The following FAM20B variants were observed in gnomAD, a reference collection of about 807,000 sequenced individuals.
FAM20B encodes glycosaminoglycan xylosylkinase.
Under a neutral mutation model 43.8 loss-of-function variants are expected in FAM20B, and 23 were observed. The observed-to-expected ratio is 0.53, with a 90% CI of 0.38 to 0.74. The LOEUF is 0.74. FAM20B is among the 30% of genes least tolerant of loss of function. FAM20B has a pLI of 0.00. For missense variants in FAM20B, 440 were observed against 510.5 expected, an observed-to-expected ratio of 0.86 and a Z score of 1.33; for synonymous variants, 178 against 192.4, an observed-to-expected ratio of 0.93 and a Z score of 0.62.
chr1:179,053,678 C>T (rs967873443), intron 3 of FAM20B, among the ~76,000 whole-genome samples: 4 of 152,012 alleles, frequency 2.6e-5, no homozygotes, highest in Non-Finnish European at 4.4e-5. Flanking sequence ...AATCAGCAGC[C>T]CTAAACAATA....
chr1:179,063,145 C>T (rs1350885399), intron 4 of FAM20B, among the ~76,000 whole-genome samples: 1 of 152,102 alleles, frequency 6.6e-6, no homozygotes, highest in Non-Finnish European at 1.5e-5. Context: ...AGCATGGTGG[C>T]ATGCGCCTGT....
chr1:179,027,890 T>G (rs1299661948), intron 1 of FAM20B, among the ~76,000 whole-genome samples: 1 of 152,216 alleles, frequency 6.6e-6, no homozygotes, highest in East Asian at 1.9e-4. Flanking sequence ...TCTATCATCT[T>G]TATTTTTATA....
At chr1:179,041,638 G>A (rs560017617) in intron 1 of FAM20B, among the ~76,000 whole-genome samples, 3 of 136,608 alleles carry the variant, frequency 2.2e-5, no homozygotes, top group East Asian at 2.0e-4. Context: ...GAGGGAGACC[G>A]TGGGGAGACG....
chr1:179,020,138 T>C, the FAM20B span, among the ~76,000 whole-genome samples: 1 of 142,676 alleles, frequency 7.0e-6, no homozygotes, highest in African/African-American at 2.7e-5. Context: ...TGGCCTGCTC[T>C]GTGTATGTGT....
rs199656793 is a variant in FAM20B, at chr1:179,064,487, A to G, written c.929A>G (p.Asn310Ser). ...GCTAGTATGCTCATCCTTCTTGATA[A>G]TGCCAAAAGGTGAGACCAGCAGGAC... is the stretch of plus-strand genomic sequence containing the variant. The part of the protein sequence containing the change: ...EGASMLILLD[N>S]AKSFGNPSLD... Residue 310 changes from asparagine to serine, a missense_variant, in exon 6 of 8, where the codon AAT becomes AGT. Physicochemically the swap from Asn to Ser is conservative, Grantham distance 46. Transcript: ENST00000263733. The G allele has an allele frequency of 1.2e-5, 19 of 1,612,898 alleles. No individual in the cohort carries two copies. In the African/African-American group the frequency reaches 2.3e-4, roughly 19 times the overall value.
Position 179,064,023 on chromosome 1 carries a change from G to C in FAM20B, c.671G>C (p.Trp224Ser), listed in dbSNP as rs781060774. ...GDIMEGSVTL[W>S]LPDVWPLQKH... is the part of the protein sequence containing the mutation. ...ATAATGGAGGGATCTGTCACACTTT[G>C]GCTTCCAGATGTGTGGCCTCTGCAG... The change falls in exon 5 of 8, where the codon TGG becomes TCG. Residue 224 changes from tryptophan to serine, a missense_variant. Coordinates refer to ENST00000263733, the MANE Select transcript of FAM20B (RefSeq NM_014864.4). 6.2e-7 allele frequency: 1 copy of C among 1,613,900 alleles called. No homozygotes were observed. Among genetic ancestry groups the C allele is most frequent in the South Asian group, 1.1e-5 (1 of 91,074 alleles).
chr1:179,053,896 C>T (rs1231905628), intron 3 of FAM20B, among the ~76,000 whole-genome samples: 1 of 152,166 alleles, frequency 6.6e-6, no homozygotes, highest in African/African-American at 2.4e-5. Context: ...GTTGTGGAAT[C>T]ATAGGTGATT....
At chr1:179,021,140 G>A (rs1649599876), upstream of FAM20B, among the ~76,000 whole-genome samples, 1 of 152,224 alleles carries the variant, frequency 6.6e-6, no homozygotes, top group African/African-American at 2.4e-5. Flanking sequence ...GGCCAGCCAT[G>A]AGAAAGGCTC....
At chr1:179,032,451 G>A (rs148065214) in intron 1 of FAM20B, among the ~76,000 whole-genome samples, 218 of 151,312 alleles carry the variant, frequency 1.4e-3, no homozygotes, top group Admixed American at 2.6e-3. Flanking sequence ...AACCCTGTGA[G>A]TTAGGTAATA....
At chr1:179,052,609 T>C (rs981582818) in intron 3 of FAM20B, among the ~76,000 whole-genome samples, 2 of 152,198 alleles carry the variant, frequency 1.3e-5, no homozygotes, top group African/African-American at 4.8e-5. Context: ...AATTCAAAGA[T>C]ATATATACAA....
intron 6 of FAM20B, among the ~76,000 whole-genome samples, chr1:179,065,627 A>G (rs964874371): frequency 1.3e-5 from 2 of 152,186 alleles, no homozygotes; most frequent in Non-Finnish European, 2.9e-5. Flanking sequence ...ATGCTTTGTG[A>G]AAGATGGTGA....
At chr1:179,038,260 CCTT>C (rs1650333665) in intron 1 of FAM20B, among the ~76,000 whole-genome samples, 1 of 151,852 alleles carries the variant, frequency 6.6e-6, no homozygotes, top group Non-Finnish European at 1.5e-5. Flanking sequence ...AATGCAAAAG[CCTT>C]AGCTGGGCGT....
At chr1:179,052,706 A>T (rs1651055771) in intron 3 of FAM20B, among the ~76,000 whole-genome samples, 1 of 152,250 alleles carries the variant, frequency 6.6e-6, no homozygotes, top group African/African-American at 2.4e-5. Flanking sequence ...ATATGTGTGT[A>T]CAATACCATG....
intron 4 of FAM20B, among the ~76,000 whole-genome samples, chr1:179,059,773 A>G (rs1651379327): frequency 6.6e-6 from 1 of 151,916 alleles, no homozygotes; most frequent in Non-Finnish European, 1.5e-5. Flanking sequence ...GGAGTTTGAG[A>G]CCAGCCTGGC....
intron 1 of FAM20B, among the ~76,000 whole-genome samples, chr1:179,032,233 T>C (rs989346509): frequency 1.3e-5 from 2 of 151,992 alleles, no homozygotes; most frequent in Admixed American, 6.6e-5. Context: ...GGGTTTTTGA[T>C]ATGGTGATAA....
chr1:179,062,420 G>T (rs1651505811), intron 4 of FAM20B, among the ~76,000 whole-genome samples: 1 of 152,132 alleles, frequency 6.6e-6, no homozygotes, highest in South Asian at 2.1e-4. Flanking sequence ...GGGAGGCTGA[G>T]GTGGGTGGAT....
rs1651947761 is a variant in FAM20B, at chr1:179,072,049, C to T, written c.1135C>T (p.Leu379Phe). ...DPHLDAVDQR[L>F]LSVLATVKQC... ...TCATCTGGACGCCGTGGACCAGCGG[C>T]TCCTGAGTGTCCTGGCCACCGTGAA... is the stretch of plus-strand genomic sequence containing the variant. Residue 379 changes from leucine (L) to phenylalanine (F), a missense_variant, in exon 8 of 8, where the codon CTC (leucine) becomes TTC (phenylalanine). Transcript: ENST00000263733. 1 of 1,614,046 alleles carries T rather than the reference C, an allele frequency of 6.2e-7. No individual in the cohort carries two copies. Among genetic ancestry groups the T allele is most frequent in the Non-Finnish European group, 8.5e-7 (1 of 1,180,050 alleles).
chr1:179,019,212 C>T, the FAM20B span, among the ~76,000 whole-genome samples: 1 of 152,128 alleles, frequency 6.6e-6, no homozygotes, highest in Non-Finnish European at 1.5e-5. Context: ...GTCAAGTTGA[C>T]ACATAAAATT....
At chr1:179,022,454 G>C (rs550078928), upstream of FAM20B, among the ~76,000 whole-genome samples, 1 of 152,282 alleles carries the variant, frequency 6.6e-6, no homozygotes, top group Non-Finnish European at 1.5e-5. Flanking sequence ...AACTCTGTGT[G>C]TGTGTGTGCG....
Sources: allele counts gnomAD v4.1 joint callset (sites outside exome capture counted in the v4.1 genomes callset), GRCh38; gene constraint gnomAD v4.1.1; transcripts MANE v1.5; gene names NCBI Gene and HGNC (gene_info 2026-07-23, HGNC 2026-07-21).